GALNT17: variants seen among roughly 807,000 people sequenced by gnomAD.
GALNT17 encodes UDP-GalNAc:polypeptide N-acetylgalactosaminyltransferase-like 3.
A neutral mutation model predicts 63.7 loss-of-function variants in GALNT17; 29 were observed. The observed-to-expected ratio is 0.46, with a 90% CI of 0.34 to 0.62. The LOEUF (loss-of-function observed/expected upper bound fraction) is 0.62, where lower values mean the gene tolerates loss of function less well. Ranked by LOEUF, GALNT17 falls within the 20% of genes least tolerant of loss-of-function variation. The probability of loss-of-function intolerance (pLI) is 0.01; values close to 1 mark genes in which losing one functional copy is unlikely to be tolerated. For synonymous variants in GALNT17, 305 were observed against 318.3 expected (o/e 0.96, Z 0.45); for missense variants, 603 against 799.6 (o/e 0.75, Z 2.97).
chr7:71,580,308 G>GTAGATGATA (rs1422773610), intron 6 of GALNT17, among the ~76,000 whole-genome samples: 30 of 151,932 alleles, frequency 2.0e-4, no homozygotes, highest in Non-Finnish European at 4.3e-4. Context: ...GATGATAGAT[G>GTAGATGATA]TAGATGATAG....
chr7:71,148,543 A>G (rs1362914295), intron 1 of GALNT17, among the ~76,000 whole-genome samples: 3 of 152,190 alleles, frequency 2.0e-5, no homozygotes, highest in Admixed American at 6.6e-5. Flanking sequence ...TTGCATTGTG[A>G]ATCCGCAGTG....
intron 2 of GALNT17, among the ~76,000 whole-genome samples, chr7:71,380,059 A>G (rs1408469555): frequency 6.6e-6 from 1 of 152,140 alleles, no homozygotes; most frequent in African/African-American, 2.4e-5. Context: ...GCGATTATAC[A>G]AGGAGAGGGA....
At chr7:71,553,920 G>A (rs1479441609) in intron 5 of GALNT17, among the ~76,000 whole-genome samples, 6 of 152,198 alleles carry the variant, frequency 3.9e-5, no homozygotes, top group African/African-American at 1.4e-4. Context: ...GGAAGCAAGG[G>A]GAGCTGGTGC....
At position 71,674,268 on chromosome 7, in the gene GALNT17, T is replaced by C. The variant is rs767808086; in HGVS notation, c.1405-2943T>C. ...TGCTGAGTATCACCATTTACAGATA[T>C]ATATATTTCAGATGGACTATAGTGT... On this transcript the variant is annotated intron_variant, in intron 8 of 10. Transcript: ENST00000333538. Among the ~76,000 whole-genome samples, 75 of 151,964 alleles carry C rather than the reference T, an allele frequency of 4.9e-4. 1 individual carries two copies. Among genetic ancestry groups the C allele is most frequent in the Non-Finnish European group, 2.9e-4 (20 of 68,002 alleles).
At chr7:71,260,411 C>A (rs1020592957) in intron 1 of GALNT17, among the ~76,000 whole-genome samples, 1 of 152,136 alleles carries the variant, frequency 6.6e-6, no homozygotes, top group African/African-American at 2.4e-5. Context: ...AACACACAGA[C>A]CTTTGCTTTA....
At chr7:71,655,257 A>G (rs10651249) in intron 6 of GALNT17, among the ~76,000 whole-genome samples, 2 of 4,632 alleles carry the variant, frequency 4.3e-4, no homozygotes, top group Non-Finnish European at 0.014. Context: ...CTTGTCTCTC[A>G]AAAAAAGAAT....
chr7:71,134,513 G>A (rs1177137101), intron 1 of GALNT17, among the ~76,000 whole-genome samples: 1 of 152,114 alleles, frequency 6.6e-6, no homozygotes, highest in Non-Finnish European at 1.5e-5. Flanking sequence ...GCAGGTGAAA[G>A]GACGCTGCGG....
chr7:71,432,052 G>A (rs1171407494), intron 5 of GALNT17, among the ~76,000 whole-genome samples: 1 of 152,084 alleles, frequency 6.6e-6, no homozygotes, highest in East Asian at 1.9e-4. Context: ...GTGCACACCT[G>A]TAATTCCAGC....
intron 5 of GALNT17, among the ~76,000 whole-genome samples, chr7:71,467,793 A>T (rs1787561458): frequency 6.6e-6 from 1 of 152,036 alleles, no homozygotes; most frequent in Non-Finnish European, 1.5e-5. Context: ...AAACCCTCAA[A>T]ATCTGCAGGG....
chr7:71,349,270 T>G (rs2527311), intron 2 of GALNT17, among the ~76,000 whole-genome samples: 4,814 of 152,068 alleles, frequency 0.032, 252 homozygotes, highest in African/African-American at 0.11. Flanking sequence ...AGAGCTGGGG[T>G]TATAAATCAG....
At chr7:71,429,175 T>G (rs1786815335) in intron 5 of GALNT17, among the ~76,000 whole-genome samples, 1 of 151,798 alleles carries the variant, frequency 6.6e-6, no homozygotes, top group African/African-American at 2.4e-5. Flanking sequence ...TTTAACACAG[T>G]ACATACATCT....
chr7:71,439,010 A>G (rs1048521138), intron 5 of GALNT17, among the ~76,000 whole-genome samples: 1 of 150,654 alleles, frequency 6.6e-6, no homozygotes, highest in Admixed American at 6.6e-5. Flanking sequence ...TCAGCCTCCC[A>G]TGTAGCTGGG....
intron 1 of GALNT17, among the ~76,000 whole-genome samples, chr7:71,183,748 A>G (rs1018220148): frequency 3.9e-5 from 6 of 152,256 alleles, no homozygotes; most frequent in African/African-American, 1.4e-4. Context: ...AATAACAAAA[A>G]TTAGCTGGGC....
chr7:71,253,948 A>T (rs574775611), intron 1 of GALNT17, among the ~76,000 whole-genome samples: 2 of 152,298 alleles, frequency 1.3e-5, no homozygotes, highest in African/African-American at 4.8e-5. Context: ...TCTGAGTCAA[A>T]TGAGAGGACC....
At chr7:71,462,824 G>T (rs1185124291) in intron 5 of GALNT17, among the ~76,000 whole-genome samples, 1 of 152,170 alleles carries the variant, frequency 6.6e-6, no homozygotes, top group Admixed American at 6.5e-5. Flanking sequence ...ATGGGAGGCA[G>T]GTTTGCCGCA....
chr7:71,299,412 G>C (rs1050861717), intron 1 of GALNT17, among the ~76,000 whole-genome samples: 2 of 152,202 alleles, frequency 1.3e-5, no homozygotes, highest in Non-Finnish European at 2.9e-5. Context: ...GTGGACCTAG[G>C]AGGTGGCAAT....
At position 71,545,372 on chromosome 7, in the gene GALNT17, T is replaced by C. The variant is rs555234433; in HGVS notation, c.963-25913T>C. Among the ~76,000 whole-genome samples, 4 of 152,274 alleles carry C rather than the reference T, an allele frequency of 2.6e-5. No homozygotes were observed. The East Asian group carries it at 7.7e-4, about 29-fold the overall frequency. ...TTTGGTTTGCTTGTTTGTTTGTTTTTGACAAAGTCTTGCTCTGTCACCCAG... is the reference window on the plus strand; with the variant it reads ...TTTGGTTTGCTTGTTTGTTTGTTTTCGACAAAGTCTTGCTCTGTCACCCAG... On this transcript the variant is annotated intron_variant, in intron 5 of 10. Coordinates refer to ENST00000333538, the MANE Select transcript of GALNT17 (RefSeq NM_022479.3).
At chr7:71,627,460 A>T (rs1026161645) in intron 6 of GALNT17, among the ~76,000 whole-genome samples, 1 of 152,310 alleles carries the variant, frequency 6.6e-6, no homozygotes, top group Non-Finnish European at 1.5e-5. Context: ...GCCTTTCCAG[A>T]TGACCTTCAG....
At chr7:71,554,848 G>A (rs12699052) in intron 5 of GALNT17, among the ~76,000 whole-genome samples, 48,314 of 152,152 alleles carry the variant, frequency 0.32, 8,596 homozygotes, top group Middle Eastern at 0.41. Flanking sequence ...CCCCAGCCCA[G>A]GGAGAATTAG....
Sources: allele counts gnomAD v4.1 joint callset (sites outside exome capture counted in the v4.1 genomes callset), GRCh38; gene constraint gnomAD v4.1.1; transcripts MANE v1.5; gene names NCBI Gene and HGNC (gene_info 2026-07-23, HGNC 2026-07-21).